Variants in PDGFD observed in about 807,000 individuals in gnomAD.
PDGFD encodes platelet derived growth factor D, also known as platelet-derived growth factor D.
In PDGFD, 30 loss-of-function variants were observed where a neutral mutation model predicts 44.7. The ratio of observed to expected loss-of-function variants is 0.67; its 90% CI spans 0.50 to 0.91. The LOEUF (loss-of-function observed/expected upper bound fraction) is 0.91, where lower values mean the gene tolerates loss of function less well. Among genes scored for constraint, PDGFD ranks in the 40% least tolerant of loss-of-function variants. The pLI is 0.00. For missense variants in PDGFD, 445 were observed against 457.8 expected, an observed-to-expected ratio of 0.97 and a Z score of 0.25; for synonymous variants, 173 against 168.4, an observed-to-expected ratio of 1.03 and a Z score of -0.21.
In PDGFD at chr11:103,909,515, G is replaced by T; in HGVS notation, c.*179C>A. ...TATATTCTTAGGTATAGAAGTTGATGATATACCTTTCTACTTGCCATGGCA... is the reference window on the plus strand; with the variant it reads ...TATATTCTTAGGTATAGAAGTTGATTATATACCTTTCTACTTGCCATGGCA... On this transcript the variant is annotated 3_prime_UTR_variant, in exon 7 of 7. Transcript: ENST00000393158. The T allele has an allele frequency of 1.5e-6, 1 of 688,728 alleles. No individual in the cohort carries two copies. Among genetic ancestry groups the T allele is most frequent in the Non-Finnish European group, 2.5e-6 (1 of 404,188 alleles). 42.7% of individuals were successfully genotyped at this position (688,728 alleles called of 1,614,324 possible).
chr11:104,126,424 T>A (rs1202552494), intron 1 of PDGFD, among the ~76,000 whole-genome samples: 1 of 152,192 alleles, frequency 6.6e-6, no homozygotes, highest in Non-Finnish European at 1.5e-5. Context: ...TATCTTGTCC[T>A]TTTGTTTGTA....
chr11:103,956,285 T>A (rs931812129), intron 3 of PDGFD, among the ~76,000 whole-genome samples: 4 of 151,604 alleles, frequency 2.6e-5, no homozygotes, highest in African/African-American at 9.7e-5. Context: ...ATTGTTCAAT[T>A]CCCATCTATG....
chr11:104,153,882 A>G (rs1232989032), intron 1 of PDGFD, among the ~76,000 whole-genome samples: 1 of 152,120 alleles, frequency 6.6e-6, no homozygotes, highest in Non-Finnish European at 1.5e-5. Context: ...TCCAGAGAGA[A>G]GCAGTGAGAA....
chr11:104,160,952 A>G lies in PDGFD; in HGVS notation c.124+2852T>C, dbSNP rs1239005212. ...CCAGGTATCTGGAGCTATTAGGCATAGTATATCAAGAAGTTGTGGGGTTTT... is the reference window on the plus strand; with the variant it reads ...CCAGGTATCTGGAGCTATTAGGCATGGTATATCAAGAAGTTGTGGGGTTTT... On this transcript the variant is annotated intron_variant, in intron 1 of 6. Transcript: ENST00000393158. Among the ~76,000 whole-genome samples, 4 of 152,174 alleles carry G rather than the reference A, an allele frequency of 2.6e-5. No homozygotes were observed. In the East Asian group the frequency reaches 5.8e-4, roughly 22 times the overall value.
intron 1 of PDGFD, among the ~76,000 whole-genome samples, chr11:104,012,410 G>C (rs962727472): frequency 2.0e-5 from 3 of 152,304 alleles, no homozygotes; most frequent in East Asian, 3.9e-4. Context: ...TACTTTTCTG[G>C]ATAAATGCAT....
chr11:104,144,634 T>G (rs187253308), intron 1 of PDGFD, among the ~76,000 whole-genome samples: 1 of 152,140 alleles, frequency 6.6e-6, no homozygotes, highest in Admixed American at 6.5e-5. Flanking sequence ...GATGAAGCCA[T>G]TTTAACTCTT....
At position 103,955,390 on chromosome 11, in the gene PDGFD, TA is replaced by T. The variant is rs540277916; in HGVS notation, c.511-7667del. On this transcript the variant is annotated intron_variant, in intron 3 of 6. Transcript: ENST00000393158. ...TGAATAAAGGCTTTTGATGCTTCAGTACCTGATTTTCTGGCATGCAGACCCA... is the reference window on the plus strand; with the variant it reads ...TGAATAAAGGCTTTTGATGCTTCAGTCCTGATTTTCTGGCATGCAGACCCA... 2.7e-3 allele frequency among the ~76,000 whole-genome samples: 410 copies of T among 152,156 alleles called. 9 individuals carry two copies. The highest frequency in any genetic ancestry group is 9.6e-4 in the Non-Finnish European group (65 of 67,990).
intron 4 of PDGFD, among the ~76,000 whole-genome samples, chr11:103,944,816 AG>A (rs1332753760): frequency 6.6e-6 from 1 of 152,186 alleles, no homozygotes. Context: ...CACAAGTAAG[AG>A]GCTTTAAAGC....
chr11:104,101,757 C>G (rs1443932187), intron 1 of PDGFD, among the ~76,000 whole-genome samples: 1 of 151,806 alleles, frequency 6.6e-6, no homozygotes. Context: ...GAACAGAGCC[C>G]CCAGAAATAA....
intron 3 of PDGFD, among the ~76,000 whole-genome samples, chr11:103,971,636 A>T (rs1468624571): frequency 1.3e-5 from 2 of 152,218 alleles, no homozygotes; most frequent in Non-Finnish European, 1.5e-5. Context: ...TCATAAAATA[A>T]AACACTTAGC....
Position 104,163,931 on chromosome 11 carries a change from G to T in PDGFD, c.-4C>A, listed in dbSNP as rs1486009701. 1 of 1,539,292 alleles carries T rather than the reference G, an allele frequency of 6.5e-7. No homozygotes were observed. On this transcript the variant is annotated 5_prime_UTR_variant, in exon 1 of 7. Transcript: ENST00000393158. ...AGACAAAGATGAGCCGGTGCATTTG[G>T]GATCAGCGACTAGAGACAGCGTCGC...
chr11:104,109,286 C>T (rs1861516330), intron 1 of PDGFD, among the ~76,000 whole-genome samples: 1 of 152,102 alleles, frequency 6.6e-6, no homozygotes. Context: ...AGCCCTGTGT[C>T]AGACACCCAC....
At chr11:103,984,857 C>T (rs77508475) in intron 3 of PDGFD, among the ~76,000 whole-genome samples, 74,309 of 139,624 alleles carry the variant, frequency 0.53, 20,491 homozygotes, top group African/African-American at 0.66. Flanking sequence ...ATATATAATA[C>T]ATTAATTTAT....
intron 6 of PDGFD, among the ~76,000 whole-genome samples, chr11:103,913,029 T>C (rs933321823): frequency 3.3e-5 from 5 of 152,078 alleles, no homozygotes; most frequent in Non-Finnish European, 7.4e-5. Context: ...CACACAATAA[T>C]AGTGGGAGTC....
intron 5 of PDGFD, among the ~76,000 whole-genome samples, chr11:103,938,275 G>A (rs1247562327): frequency 1.3e-5 from 2 of 152,112 alleles, no homozygotes; most frequent in Non-Finnish European, 2.9e-5. Context: ...ATCTCATTGT[G>A]GTTTTGATTT....
At chr11:104,069,387 T>A (rs1860840764) in intron 1 of PDGFD, among the ~76,000 whole-genome samples, 1 of 152,218 alleles carries the variant, frequency 6.6e-6, no homozygotes, top group African/African-American at 2.4e-5. Flanking sequence ...TTTTGACTAT[T>A]TGGTTAAAGT....
intron 1 of PDGFD, among the ~76,000 whole-genome samples, chr11:104,110,194 AT>A (rs1252502374): frequency 6.6e-6 from 1 of 152,184 alleles, no homozygotes; most frequent in African/African-American, 2.4e-5. Flanking sequence ...AGAAAGTAGG[AT>A]TAGAAAGCTG....
chr11:104,055,488 A>G (rs1860605084), intron 1 of PDGFD, among the ~76,000 whole-genome samples: 1 of 152,248 alleles, frequency 6.6e-6, no homozygotes. Context: ...TTGAAGCAGT[A>G]AATCAGTGTC....
chr11:104,142,164 T>C (rs7112298), intron 1 of PDGFD, among the ~76,000 whole-genome samples: 2,173 of 152,274 alleles, frequency 0.014, 46 homozygotes, highest in African/African-American at 0.048. Flanking sequence ...CCTGAACATA[T>C]GTGTGTACAT....
Sources: allele counts gnomAD v4.1 joint callset (sites outside exome capture counted in the v4.1 genomes callset), GRCh38; gene constraint gnomAD v4.1.1; transcripts MANE v1.5; gene names NCBI Gene and HGNC (gene_info 2026-07-23, HGNC 2026-07-21).